Variants in PRKDC observed in about 807,000 individuals in gnomAD.
The protein encoded by PRKDC is protein kinase, DNA-activated, catalytic subunit.
PRKDC carries 82 observed loss-of-function variants against 486.9 expected under a neutral mutation model. The observed-to-expected ratio is 0.17, with a 90% CI of 0.14 to 0.20. The LOEUF (loss-of-function observed/expected upper bound fraction) is 0.20, where lower values mean the gene tolerates loss of function less well. PRKDC is among the 10% of genes least tolerant of loss of function. PRKDC has a pLI of 1.00. For synonymous variants in PRKDC, 1,895 were observed against 1,837.0 expected, an observed-to-expected ratio of 1.03 and a Z score of -0.81; for missense variants, 4,504 against 5,038.2, an observed-to-expected ratio of 0.89 and a Z score of 3.21.
chr8:47,927,913 A>G, intron 19 of PRKDC, 23 bp from the exon 20 acceptor site: 2 of 1,507,248 alleles, frequency 1.3e-6, no homozygotes, highest in Non-Finnish European at 1.8e-6. Flanking sequence ...GAAGACAGTA[A>G]TGTATATCTG....
intron 40 of PRKDC, among the ~76,000 whole-genome samples, chr8:47,868,596 T>C (rs1489844391): frequency 1.3e-5 from 2 of 151,906 alleles, no homozygotes; most frequent in Non-Finnish European, 2.9e-5. Context: ...AATGATAAAA[T>C]TCAATGGAAG....
At chr8:47,944,282 G>A (rs910454876) in intron 7 of PRKDC, among the ~76,000 whole-genome samples, 1 of 151,996 alleles carries the variant, frequency 6.6e-6, no homozygotes. Flanking sequence ...AGCTCTAAGA[G>A]ATTTAAACAC....
At chr8:47,781,606 T>C (rs531267698) in intron 80 of PRKDC, among the ~76,000 whole-genome samples, 95 of 152,258 alleles carry the variant, frequency 6.2e-4, no homozygotes, top group African/African-American at 2.1e-3. Context: ...AAAAAAAACC[T>C]TGTGGTTAAA....
chr8:47,840,105 C>T lies in PRKDC; in HGVS notation c.7365G>A (p.Leu2455=), dbSNP rs369504501. ...KLKPVELREL[L]NPVVEFVSHP... is the part of the protein sequence containing the mutation. Reference sequence around the variant, plus strand: ...GGGAAACGAATTCCACAACGGGGTTCAGAAGTTCTCGGAGTTCTACTGGTT... The same window carrying T: ...GGGAAACGAATTCCACAACGGGGTTTAGAAGTTCTCGGAGTTCTACTGGTT... Residue 2455 remains leucine (L), a synonymous_variant, in exon 55 of 86, where the codon CTG becomes CTA. Coordinates refer to ENST00000314191, the MANE Select transcript of PRKDC (RefSeq NM_006904.7). 2.5e-6 allele frequency: 4 copies of T among 1,589,188 alleles called. No homozygotes were observed. Among genetic ancestry groups the T allele is most frequent in the Non-Finnish European group, 3.4e-6 (4 of 1,166,090 alleles).
intron 10 of PRKDC, among the ~76,000 whole-genome samples, chr8:47,942,314 G>A (rs2090458005): frequency 6.6e-6 from 1 of 152,220 alleles, no homozygotes; most frequent in Non-Finnish European, 1.5e-5. Flanking sequence ...ACTTCAGGGG[G>A]AACACAAGTC....
chr8:47,924,786 G>A (rs985317596), intron 21 of PRKDC, among the ~76,000 whole-genome samples: 1 of 152,060 alleles, frequency 6.6e-6, no homozygotes, highest in Admixed American at 6.5e-5. Context: ...GAGAGGCAGA[G>A]GGAGACGGAG....
At position 47,799,595 on chromosome 8, in the gene PRKDC, A is replaced by G. The variant is rs559987402; in HGVS notation, c.10117-205T>C. ...ATCCTCAGCAGGTAACAACTGGCCA[A>G]ACAAAAATGCAAGCCCAGCGCGGGC... is the stretch of plus-strand genomic sequence containing the variant. On this transcript the variant is annotated intron_variant, in intron 71 of 85. Coordinates refer to ENST00000314191, the MANE Select transcript of PRKDC (RefSeq NM_006904.7). Among the ~76,000 whole-genome samples, 41 of 152,350 alleles carry G rather than the reference A, an allele frequency of 2.7e-4. No homozygotes were observed. In the South Asian group the frequency reaches 6.8e-3, roughly 25 times the overall value.
intron 34 of PRKDC, among the ~76,000 whole-genome samples, chr8:47,888,022 AAT>A (rs1563786588): frequency 6.6e-6 from 1 of 151,924 alleles, no homozygotes; most frequent in Non-Finnish European, 1.5e-5. Flanking sequence ...ACTCCTGGAC[AAT>A]GTTTTTTTTT....
At chr8:47,879,689 A>C (rs369405076) in intron 38 of PRKDC, 31 bp from the exon 39 acceptor site, 10 of 1,494,882 alleles carry the variant, frequency 6.7e-6, no homozygotes, top group African/African-American at 2.9e-5. Flanking sequence ...AAGAAACTGC[A>C]CGAATTATGG....
intron 54 of PRKDC, among the ~76,000 whole-genome samples, chr8:47,841,195 T>C (rs1189396354): frequency 6.6e-6 from 1 of 152,106 alleles, no homozygotes; most frequent in Non-Finnish European, 1.5e-5. Context: ...TAGGGAACTG[T>C]CAGAGAGAAG....
At chr8:47,940,611 CT>C (rs2090428262) in intron 10 of PRKDC, among the ~76,000 whole-genome samples, 1 of 152,162 alleles carries the variant, frequency 6.6e-6, no homozygotes, top group Non-Finnish European at 1.5e-5. Flanking sequence ...ATAAATGTTT[CT>C]CAAGAAGTAA....
At chr8:47,867,025 A>G (rs577055607) in intron 40 of PRKDC, among the ~76,000 whole-genome samples, 1 of 152,338 alleles carries the variant, frequency 6.6e-6, no homozygotes, top group African/African-American at 2.4e-5. Flanking sequence ...GGTGTAAGCC[A>G]CTGCATCTGG....
chr8:47,789,278 C>CAAATTGA (rs1255125814), intron 74 of PRKDC, 40 bp from the exon 75 acceptor site: 1 of 1,214,652 alleles, frequency 8.2e-7, no homozygotes, highest in African/African-American at 1.5e-5. Context: ...AATCAAATAT[C>CAAATTGA]TTCCAAAAAT....
chr8:47,797,177 C>G (rs1385924663), intron 73 of PRKDC, among the ~76,000 whole-genome samples: 1 of 152,116 alleles, frequency 6.6e-6, no homozygotes. Flanking sequence ...TGTAAGCTCA[C>G]GAGAGAGGCT....
chr8:47,950,891 G>A (rs2090616010), intron 7 of PRKDC, among the ~76,000 whole-genome samples: 1 of 152,100 alleles, frequency 6.6e-6, no homozygotes, highest in African/African-American at 2.4e-5. Context: ...TGGGAGAACT[G>A]CTTGAGTCAG....
chr8:47,950,326 T>G (rs890270039), intron 7 of PRKDC, among the ~76,000 whole-genome samples: 1 of 144,960 alleles, frequency 6.9e-6, no homozygotes, highest in African/African-American at 2.6e-5. Flanking sequence ...TCCCTCCCCT[T>G]AAGATTATTT....
chr8:47,778,909 G>C (rs777064890), intron 81 of PRKDC, 95 bp downstream of exon 81: 2 of 1,440,788 alleles, frequency 1.4e-6, no homozygotes, highest in African/African-American at 2.9e-5. Context: ...TAATCTTGAT[G>C]ATCTCTCTGA....
intron 35 of PRKDC, 79 bp from the exon 36 acceptor site, chr8:47,886,226 C>A: frequency 8.2e-7 from 1 of 1,220,452 alleles, no homozygotes; most frequent in Non-Finnish European, 1.1e-6. Flanking sequence ...CAACTGATAA[C>A]TTTGAAATTG....
chr8:47,866,091 G>A (rs1402916997), intron 40 of PRKDC, among the ~76,000 whole-genome samples: 2 of 150,282 alleles, frequency 1.3e-5, no homozygotes, highest in African/African-American at 4.9e-5. Flanking sequence ...AGAAGGCAGA[G>A]GTTGCAGTGA....
Sources: gnomAD v4.1 joint callset for allele counts (sites outside exome capture counted in the v4.1 genomes callset) on GRCh38, gnomAD v4.1.1 for gene constraint, MANE v1.5 for transcripts, NCBI Gene and HGNC (gene_info 2026-07-23, HGNC 2026-07-21) for gene names.